The following SYNRG variants were observed in gnomAD, a reference collection of about 807,000 sequenced individuals.
The protein encoded by SYNRG is AP1 gamma subunit binding protein 1.
SYNRG carries 37 observed loss-of-function variants against 130.9 expected under a neutral mutation model. That is an observed-to-expected ratio of 0.28 (90% confidence interval 0.22 to 0.37). SYNRG has a LOEUF of 0.37. Among genes scored for constraint, SYNRG ranks in the 10% least tolerant of loss-of-function variants. The pLI is 1.00. For synonymous variants in SYNRG, 539 were observed against 568.1 expected (o/e 0.95, Z 0.73); for missense variants, 1,338 against 1,588.9 (o/e 0.84, Z 2.68).
At position 37,583,420 on chromosome 17, in the gene SYNRG, ACTTTTGGAATGGGAAT is replaced by A. The variant is rs1194738633; in HGVS notation, c.589+1212_589+1227del. On this transcript the variant is annotated intron_variant, in intron 6 of 21. Transcript: ENST00000612223. ...TCTTGTATATTTTATTTTGGGGCAT[ACTTTTGGAATGGGAAT>A]CTTAAGTGAAATTAACAGAACAGAG... 3.9e-5 allele frequency among the ~76,000 whole-genome samples: 6 copies of A among 152,174 alleles called. No individual in the cohort carries two copies. In the South Asian group the frequency reaches 1.2e-3, roughly 32 times the overall value.
At chr17:37,522,786 G>A (rs1422882010) in intron 19 of SYNRG, among the ~76,000 whole-genome samples, 13 of 152,072 alleles carry the variant, frequency 8.5e-5, no homozygotes, top group African/African-American at 2.2e-4. Context: ...GACTATAGGC[G>A]TGCACCACCA....
At position 37,527,677 on chromosome 17, in the gene SYNRG, A is replaced by G. The variant is rs180925575; in HGVS notation, c.3667-7029T>C. The stretch of plus-strand genomic sequence containing the variant: ...GCATTTACATTGTATTAGGTGTTAT[A>G]AGTAATCTAGAGATTCTTTAAAATA... On this transcript the variant is annotated intron_variant, in intron 19 of 21. Transcript: ENST00000612223. 3.3e-5 allele frequency among the ~76,000 whole-genome samples: 5 copies of G among 152,358 alleles called. No individual in the cohort carries two copies. The East Asian group carries it at 9.6e-4, about 29-fold the overall frequency.
intron 1 of SYNRG, among the ~76,000 whole-genome samples, chr17:37,603,354 T>C (rs28496669): frequency 0.01 from 1,538 of 152,010 alleles, 23 homozygotes; most frequent in African/African-American, 0.032. Context: ...ATAATAATAA[T>C]AACAACAACA....
intron 3 of SYNRG, among the ~76,000 whole-genome samples, chr17:37,594,425 G>A (rs2062556940): frequency 6.7e-6 from 1 of 148,792 alleles, no homozygotes; most frequent in Admixed American, 6.7e-5. Context: ...TGTATTCTAT[G>A]GTAGATTGTT....
rs2054630069 is a variant in SYNRG, at chr17:37,518,864, C to T, written c.*76G>A. On this transcript the variant is annotated 3_prime_UTR_variant, in exon 22 of 22. Transcript: ENST00000612223. ...AGGGAAGCGAACTGTGCAGTGCTCG[C>T]ATTCTATTTATTGGTCCCTGTCACC... 1.3e-6 allele frequency: 2 copies of T among 1,569,512 alleles called. No individual in the cohort carries two copies. The highest frequency in any genetic ancestry group is 4.5e-5 in the East Asian group (2 of 44,468).
At chr17:37,520,402 C>T (rs1221968221) in intron 20 of SYNRG, 136 bp downstream of exon 20, 17 of 1,086,268 alleles carry the variant, frequency 1.6e-5, no homozygotes, top group Non-Finnish European at 2.1e-5. Flanking sequence ...TGTGTCTGCT[C>T]CTACCATCAG....
chr17:37,528,718 TTATGCAGC>T (rs1362037686), intron 19 of SYNRG, among the ~76,000 whole-genome samples: 1 of 152,238 alleles, frequency 6.6e-6, no homozygotes, highest in African/African-American at 2.4e-5. Context: ...TCATTTACAT[TTATGCAGC>T]TATTCTTATC....
At chr17:37,564,126 T>G (rs1363462625) in intron 11 of SYNRG, among the ~76,000 whole-genome samples, 2 of 152,070 alleles carry the variant, frequency 1.3e-5, no homozygotes, top group Non-Finnish European at 2.9e-5. Context: ...GGATTACAGG[T>G]GTGAGCCACT....
At chr17:37,579,320 G>C (rs1459029600) in intron 6 of SYNRG, 1 of 1,304,250 alleles carries the variant, frequency 7.7e-7, no homozygotes, top group African/African-American at 1.5e-5. Context: ...CGTGGAAGAA[G>C]GCCCACATGG....
intron 11 of SYNRG, among the ~76,000 whole-genome samples, chr17:37,566,214 A>AT (rs1226874866): frequency 1.3e-5 from 2 of 152,142 alleles, no homozygotes; most frequent in African/African-American, 4.8e-5. Flanking sequence ...TGGGGAAAAG[A>AT]TTGAGAAATC....
chr17:37,576,347 C>G lies in SYNRG; in HGVS notation c.895G>C (p.Val299Leu), dbSNP rs138575379. The change falls in exon 8 of 22, where the codon GTT becomes CTT. Residue 299 changes from valine (V) to leucine (L), a missense_variant. Val to Leu is a conservative substitution (Grantham distance 32, BLOSUM62 1). Transcript: ENST00000612223. ...MPPWIYNESL[V>L]PDAYKKILET... ...GGTAAAGAAGCTTTTTTACCTGGAA[C>G]CAAACTCTCATTGTAAATCCAAGGA... 7.4e-6 allele frequency: 12 copies of G among 1,613,356 alleles called. No individual in the cohort carries two copies. In the African/African-American group the frequency reaches 1.3e-4, roughly 18 times the overall value.
intron 11 of SYNRG, among the ~76,000 whole-genome samples, chr17:37,563,458 G>T (rs1001946311): frequency 6.6e-6 from 1 of 152,130 alleles, no homozygotes; most frequent in African/African-American, 2.4e-5. Context: ...CATTTAAAAA[G>T]AAATATTTTG....
At chr17:37,565,563 G>A (rs972884586) in intron 11 of SYNRG, among the ~76,000 whole-genome samples, 1 of 150,770 alleles carries the variant, frequency 6.6e-6, no homozygotes, top group Admixed American at 6.6e-5. Flanking sequence ...AGTGAGGAGC[G>A]TCTCCGCCCG....
At chr17:37,586,664 T>C (rs748221800) in intron 3 of SYNRG, 115 bp from the exon 4 acceptor site, 41 of 1,195,160 alleles carry the variant, frequency 3.4e-5, no homozygotes, top group Non-Finnish European at 4.4e-5. Flanking sequence ...AAAATAGAAA[T>C]ATATTGGATT....
intron 1 of SYNRG, among the ~76,000 whole-genome samples, chr17:37,607,510 C>T (rs941693394): frequency 2.0e-5 from 3 of 152,078 alleles, no homozygotes; most frequent in African/African-American, 7.2e-5. Context: ...TAGAGGATGC[C>T]GGGCGTGGTG....
At chr17:37,600,050 C>A (rs564645756) in intron 2 of SYNRG, among the ~76,000 whole-genome samples, 1 of 152,250 alleles carries the variant, frequency 6.6e-6, no homozygotes, top group African/African-American at 2.4e-5. Context: ...AATTACAGCT[C>A]GTTTCATTTT....
chr17:37,575,012 C>T (rs1479891341), intron 8 of SYNRG, among the ~76,000 whole-genome samples: 4 of 152,064 alleles, frequency 2.6e-5, no homozygotes, highest in Admixed American at 2.6e-4. Flanking sequence ...ATGGTTGGAA[C>T]TGGAGGACAC....
intron 11 of SYNRG, among the ~76,000 whole-genome samples, chr17:37,561,972 T>A (rs915769557): frequency 5.1e-5 from 7 of 137,374 alleles, no homozygotes; most frequent in Non-Finnish European, 9.8e-5. Flanking sequence ...AAAAGTGAAC[T>A]GTTCCACATA....
At chr17:37,569,062 C>T (rs2060212368) in intron 10 of SYNRG, 138 bp from the exon 11 acceptor site, 1 of 868,782 alleles carries the variant, frequency 1.2e-6, no homozygotes, top group East Asian at 2.6e-5. Context: ...CGGCAGGAAT[C>T]CTGTTTTGTA....
Sources: allele counts gnomAD v4.1 joint callset (sites outside exome capture counted in the v4.1 genomes callset), GRCh38; gene constraint gnomAD v4.1.1; transcripts MANE v1.5; gene names NCBI Gene and HGNC (gene_info 2026-07-23, HGNC 2026-07-21).